BACE2: variants seen among roughly 807,000 people sequenced by gnomAD.
The protein encoded by BACE2 is 56 kDa aspartic-like protease.
BACE2 carries 17 observed loss-of-function variants against 46.2 expected under a neutral mutation model. The ratio of observed to expected loss-of-function variants is 0.37; its 90% CI spans 0.25 to 0.55. BACE2 has a LOEUF of 0.55. BACE2 is among the 20% of genes least tolerant of loss of function. The pLI is 0.82. For missense variants in BACE2, 595 were observed against 698.1 expected (o/e 0.85, Z 1.66); for synonymous variants, 277 against 295.9 (o/e 0.94, Z 0.66).
At chr21:41,168,628 G>A in intron 1 of BACE2, 53 bp downstream of exon 1, 1 of 1,260,542 alleles carries the variant, frequency 7.9e-7, no homozygotes, top group East Asian at 3.0e-5. Flanking sequence ...GGAGGGAGGG[G>A]GCTGTCCAGA....
At chr21:41,189,530 T>C (rs1985494212) in intron 1 of BACE2, among the ~76,000 whole-genome samples, 1 of 152,242 alleles carries the variant, frequency 6.6e-6, no homozygotes, top group Admixed American at 6.5e-5. Context: ...GCTTAACACT[T>C]GATTTCTGCT....
intron 8 of BACE2, among the ~76,000 whole-genome samples, chr21:41,270,383 T>C (rs2088422439): frequency 6.6e-6 from 1 of 152,212 alleles, no homozygotes; most frequent in Non-Finnish European, 1.5e-5. Flanking sequence ...GTACTATAGC[T>C]AAGAAATTTT....
At chr21:41,248,447 A>G (rs1416677703) in intron 6 of BACE2, among the ~76,000 whole-genome samples, 1 of 152,104 alleles carries the variant, frequency 6.6e-6, no homozygotes, top group Non-Finnish European at 1.5e-5. Context: ...TCATGGCACT[A>G]TCATCTGAGC....
chr21:41,233,892 C>T (rs1987035737), intron 2 of BACE2, among the ~76,000 whole-genome samples: 1 of 152,172 alleles, frequency 6.6e-6, no homozygotes, highest in African/African-American at 2.4e-5. Context: ...ACCCAGGAGG[C>T]GGAGGTTGCA....
chr21:41,216,582 A>C (rs993918691), intron 1 of BACE2, among the ~76,000 whole-genome samples: 4 of 152,202 alleles, frequency 2.6e-5, no homozygotes, highest in African/African-American at 9.7e-5. Flanking sequence ...GAGAGGCAGG[A>C]CCGGGTCTGG....
chr21:41,169,814 G>A (rs2123479755), intron 1 of BACE2, among the ~76,000 whole-genome samples: 1 of 152,300 alleles, frequency 6.6e-6, no homozygotes, highest in South Asian at 2.1e-4. Context: ...TTTCGTCTAA[G>A]TCATGGGAAG....
chr21:41,199,390 GGCAGCTGCTCGGGGGTCT>G (rs1164654610), intron 1 of BACE2, among the ~76,000 whole-genome samples: 9 of 152,132 alleles, frequency 5.9e-5, no homozygotes, highest in Admixed American at 2.0e-4. Context: ...GAGCTCTGCT[GGCAGCTGCTCGGGGGTCT>G]GCAAGATGCT....
At chr21:41,233,173 G>A (rs1464968730) in intron 2 of BACE2, among the ~76,000 whole-genome samples, 1 of 152,088 alleles carries the variant, frequency 6.6e-6, no homozygotes. Flanking sequence ...ATAACTCATA[G>A]CCTGAAAAAA....
intron 6 of BACE2, among the ~76,000 whole-genome samples, chr21:41,247,299 C>T (rs1424478881): frequency 1.3e-5 from 2 of 152,134 alleles, no homozygotes; most frequent in African/African-American, 4.8e-5. Flanking sequence ...GGAAAGGACG[C>T]GGGCTCTTTT....
chr21:41,192,692 G>A (rs1050217427), intron 1 of BACE2, among the ~76,000 whole-genome samples: 2 of 152,248 alleles, frequency 1.3e-5, no homozygotes, highest in African/African-American at 2.4e-5. Flanking sequence ...CTGCTGGGTC[G>A]TATGGCCCAA....
intron 6 of BACE2, among the ~76,000 whole-genome samples, chr21:41,250,031 A>C (rs773904871): frequency 6.6e-6 from 1 of 152,214 alleles, no homozygotes; most frequent in African/African-American, 2.4e-5. Context: ...TTAGGGCTGC[A>C]GCGGGGGCCA....
Position 41,254,974 on chromosome 21 carries a change from T to C in BACE2, c.1135-2184T>C, listed in dbSNP as rs148204419. ...CCCAAGAGACGAGGACAGTGAGGAC[T>C]TGGCCTGAGTTGGGCGAGGGAGTGA... On this transcript the variant is annotated intron_variant, in intron 7 of 8. Coordinates refer to ENST00000330333, the MANE Select transcript of BACE2 (RefSeq NM_012105.5). Among the ~76,000 whole-genome samples the C allele has an allele frequency of 2.8e-4, 43 of 152,344 alleles. No individual in the cohort carries two copies. In the Middle Eastern group the frequency reaches 0.01, roughly 36 times the overall value.
Position 41,275,802 on chromosome 21 carries a change from C to T in BACE2, c.*178C>T. ...TTTTGATTCTTGATTTTCAAGCTTT[C>T]AAATCCTCCCTACTTCCAAGAAAAA... On this transcript the variant is annotated 3_prime_UTR_variant, in exon 9 of 9. Coordinates refer to ENST00000330333, the MANE Select transcript of BACE2 (RefSeq NM_012105.5). The T allele has an allele frequency of 1.3e-6, 1 of 741,394 alleles. No homozygotes were observed. The highest frequency in any genetic ancestry group is 2.1e-5 in the South Asian group (1 of 48,642). The allele number at this position is 741,394 out of a possible 1,614,324, so 45.9% of individuals were successfully genotyped here.
chr21:41,192,289 G>A (rs1985599918), intron 1 of BACE2, among the ~76,000 whole-genome samples: 1 of 152,214 alleles, frequency 6.6e-6, no homozygotes, highest in Admixed American at 6.5e-5. Context: ...GGGAGAGAAG[G>A]CAGGGTGGCA....
intron 8 of BACE2, among the ~76,000 whole-genome samples, chr21:41,271,566 C>G (rs1406490451): frequency 6.6e-6 from 1 of 152,072 alleles, no homozygotes; most frequent in African/African-American, 2.4e-5. Context: ...TACATTTTTT[C>G]CCTTTTTTCC....
Position 41,280,865 on chromosome 21 carries a change from G to A in BACE2, c.*5241G>A, listed in dbSNP as rs2088540668. 1 of 152,262 alleles carries A rather than the reference G, an allele frequency of 6.6e-6. No homozygotes were observed. The highest frequency in any genetic ancestry group is 2.4e-5 in the African/African-American group (1 of 41,466). The allele number at this position is 152,262 out of a possible 1,614,324, so 9.4% of individuals were successfully genotyped here. The stretch of plus-strand genomic sequence containing the variant: ...GTGCTTCTAAACTAAATTGTACTGT[G>A]TAACTTTTACATCACACTTGTGTGC... On this transcript the variant is annotated 3_prime_UTR_variant, in exon 9 of 9. Coordinates refer to ENST00000330333, the MANE Select transcript of BACE2 (RefSeq NM_012105.5).
At chr21:41,245,300 C>T (rs567350597) in intron 5 of BACE2, among the ~76,000 whole-genome samples, 6 of 152,366 alleles carry the variant, frequency 3.9e-5, no homozygotes, top group African/African-American at 9.6e-5. Context: ...ACCCAGGACT[C>T]ATTCCATCCC....
intron 8 of BACE2, among the ~76,000 whole-genome samples, chr21:41,257,566 C>A (rs541088427): frequency 6.6e-6 from 1 of 152,238 alleles, no homozygotes; most frequent in Non-Finnish European, 1.5e-5. Context: ...GAGTGTGAGT[C>A]CTGATAGTCA....
rs150387265 is a variant in BACE2 at position 41,235,854 on chromosome 21, AAATGAATG to A, written c.402-1640_402-1633del. The stretch of plus-strand genomic sequence containing the variant: ...AGACCTTTTCTTTAAAAGAAATAAT[AAATGAATG>A]AATGAATGAATGAATGAACAAATGA... On this transcript the variant is annotated intron_variant, in intron 2 of 8. Coordinates refer to ENST00000330333, the MANE Select transcript of BACE2 (RefSeq NM_012105.5). 6.6e-5 allele frequency among the ~76,000 whole-genome samples: 10 copies of A among 151,546 alleles called. 1 individual carries two copies. The highest frequency in any genetic ancestry group is 1.9e-4 in the East Asian group (1 of 5,178).
Sources: gnomAD v4.1 joint callset for allele counts (sites outside exome capture counted in the v4.1 genomes callset) on GRCh38, gnomAD v4.1.1 for gene constraint, MANE v1.5 for transcripts, NCBI Gene and HGNC (gene_info 2026-07-23, HGNC 2026-07-21) for gene names.